LRGUK: variants seen among roughly 807,000 people sequenced by gnomAD.
LRGUK encodes leucine rich repeats and guanylate kinase domain containing.
In LRGUK, 65 loss-of-function variants were observed where a neutral mutation model predicts 76.0. The ratio of observed to expected loss-of-function variants is 0.85; its 90% CI spans 0.70 to 1.05. LRGUK has a LOEUF of 1.05. LRGUK is among the 50% of genes least tolerant of loss of function. The pLI is 0.00. For synonymous variants in LRGUK, 268 were observed against 265.6 expected (o/e 1.01, Z -0.09); for missense variants, 758 against 732.8 (o/e 1.03, Z -0.40).
chr7:134,189,793 C>T (rs755651245), intron 11 of LRGUK, among the ~76,000 whole-genome samples: 9 of 152,152 alleles, frequency 5.9e-5, no homozygotes, highest in Non-Finnish European at 1.3e-4. Context: ...CCAATGTATT[C>T]AAACAACAAA....
chr7:134,168,352 G>A (rs116971501), intron 7 of LRGUK, among the ~76,000 whole-genome samples: 353 of 152,172 alleles, frequency 2.3e-3, no homozygotes, highest in Middle Eastern at 0.014. Flanking sequence ...GCAACATCAC[G>A]ACACCCCCAT....
At chr7:134,132,111 C>T (rs1797334510) in intron 1 of LRGUK, among the ~76,000 whole-genome samples, 1 of 152,088 alleles carries the variant, frequency 6.6e-6, no homozygotes, top group Non-Finnish European at 1.5e-5. Context: ...ACTTTGGGAG[C>T]CAGAGACAGG....
intron 5 of LRGUK, among the ~76,000 whole-genome samples, chr7:134,155,179 G>A (rs1473890674): frequency 6.6e-6 from 1 of 152,186 alleles, no homozygotes; most frequent in African/African-American, 2.4e-5. Flanking sequence ...TGTTGCCAAA[G>A]ATTGCCTGCT....
chr7:134,138,023 C>T (rs1006646369), intron 2 of LRGUK, among the ~76,000 whole-genome samples: 4 of 152,184 alleles, frequency 2.6e-5, no homozygotes, highest in African/African-American at 7.2e-5. Flanking sequence ...TCAAGGTCAG[C>T]ATATTAAAAC....
intron 7 of LRGUK, among the ~76,000 whole-genome samples, chr7:134,171,758 G>C (rs1563159953): frequency 6.6e-6 from 1 of 152,170 alleles, no homozygotes; most frequent in Non-Finnish European, 1.5e-5. Context: ...TTCACTGCAA[G>C]CTATTTGGGG....
the LRGUK span, among the ~76,000 whole-genome samples, chr7:134,270,239 A>G: frequency 6.6e-6 from 1 of 152,240 alleles, no homozygotes; most frequent in African/African-American, 2.4e-5. Context: ...GTTCTCAGGT[A>G]TCAAGATTGA....
At chr7:134,238,993 C>T (rs1802073394) in intron 16 of LRGUK, among the ~76,000 whole-genome samples, 1 of 152,146 alleles carries the variant, frequency 6.6e-6, no homozygotes, top group Admixed American at 6.6e-5. Flanking sequence ...ACTCCCATCA[C>T]CTTCTCTGAG....
At chr7:134,232,381 T>C (rs1454948699) in intron 16 of LRGUK, among the ~76,000 whole-genome samples, 1 of 151,868 alleles carries the variant, frequency 6.6e-6, no homozygotes, top group Non-Finnish European at 1.5e-5. Context: ...TGGGTTCAAG[T>C]GATTCTCCGG....
chr7:134,152,760 C>T lies in LRGUK; in HGVS notation c.670+4441C>T, dbSNP rs532339248. Among the ~76,000 whole-genome samples, 5 of 152,050 alleles carry T rather than the reference C, an allele frequency of 3.3e-5. No individual in the cohort carries two copies. In the South Asian group the frequency reaches 1.0e-3, roughly 32 times the overall value. On this transcript the variant is annotated intron_variant, in intron 5 of 15. Transcript: ENST00000645682. ...TGTGGAAAGTTTAGTATATGTGTAC[C>T]TGGAGCCTTGTATAAGAATGTTCAT...
In LRGUK at chr7:134,191,639, T is replaced by C. The variant is rs779751980; in HGVS notation, c.1335-16T>C. 6.5e-7 allele frequency: 1 copy of C among 1,538,350 alleles called. No homozygotes were observed. Among genetic ancestry groups the C allele is most frequent in the Non-Finnish European group, 9.0e-7 (1 of 1,116,040 alleles). ...CAAGTTAGAAATGGACTAGGTGATCTGTTTTATGATTTCAGGGCCTGTCAT... is the reference window on the plus strand; with the variant it reads ...CAAGTTAGAAATGGACTAGGTGATCCGTTTTATGATTTCAGGGCCTGTCAT... On this transcript the variant is annotated splice_polypyrimidine_tract_variant and intron_variant, in intron 11 of 15. Coordinates refer to ENST00000645682, the Ensembl canonical transcript of LRGUK.
intron 15 of LRGUK, among the ~76,000 whole-genome samples, chr7:134,203,090 C>G (rs1800852780): frequency 6.6e-6 from 1 of 152,082 alleles, no homozygotes. Context: ...GTAATCCCAA[C>G]TACTCAGGAG....
chr7:134,260,001 C>A (rs1802679447), intron 19 of LRGUK, among the ~76,000 whole-genome samples: 1 of 152,050 alleles, frequency 6.6e-6, no homozygotes, highest in South Asian at 2.1e-4. Flanking sequence ...CTGGCCAGAG[C>A]AAAGTGGGGC....
exon 11 of LRGUK, chr7:134,183,777 G>T: frequency 1.2e-6 from 2 of 1,614,046 alleles, no homozygotes; most frequent in Non-Finnish European, 1.7e-6. Flanking sequence ...GCTGATACTA[G>T]CTGGTCCTGA....
At chr7:134,156,361 G>A (rs1209228253) in intron 5 of LRGUK, among the ~76,000 whole-genome samples, 2 of 151,640 alleles carry the variant, frequency 1.3e-5, no homozygotes, top group African/African-American at 4.8e-5. Flanking sequence ...TTGTGAATAT[G>A]GTCTCCTAGC....
the LRGUK span, among the ~76,000 whole-genome samples, chr7:134,272,725 C>T: frequency 1.3e-5 from 2 of 152,050 alleles, no homozygotes; most frequent in African/African-American, 2.4e-5. Flanking sequence ...GTCTGAATGA[C>T]AGTACTATCA....
intron 19 of LRGUK, among the ~76,000 whole-genome samples, chr7:134,261,782 G>A (rs1163759881): frequency 1.3e-5 from 2 of 152,152 alleles, no homozygotes; most frequent in Non-Finnish European, 2.9e-5. Flanking sequence ...GGGCTCTTGT[G>A]CAACTTCTCA....
chr7:134,221,945 C>T, intron 16 of LRGUK, 27 bp downstream of exon 16: 1 of 1,564,064 alleles, frequency 6.4e-7, no homozygotes, highest in South Asian at 1.2e-5. Flanking sequence ...AGGGGTGAAG[C>T]CACAACTGAG....
intron 16 of LRGUK, among the ~76,000 whole-genome samples, chr7:134,228,212 T>C (rs773973414): frequency 6.6e-5 from 10 of 152,166 alleles, no homozygotes; most frequent in Non-Finnish European, 1.2e-4. Context: ...ATCTTTAAGG[T>C]GATAACTTAT....
chr7:134,267,711 C>T (rs187127161), downstream of LRGUK, among the ~76,000 whole-genome samples: 3 of 152,214 alleles, frequency 2.0e-5, no homozygotes, highest in East Asian at 5.8e-4. Context: ...GTTGTGAGTC[C>T]ATTAAACCTC....
Sources: allele counts gnomAD v4.1 joint callset (sites outside exome capture counted in the v4.1 genomes callset), GRCh38; gene constraint gnomAD v4.1.1; transcripts MANE v1.5; gene names NCBI Gene and HGNC (gene_info 2026-07-23, HGNC 2026-07-21).